Variants in EPHA6 observed in about 807,000 individuals in gnomAD.
The protein encoded by EPHA6 is EPH receptor A6.
A neutral mutation model predicts 112.0 loss-of-function variants in EPHA6; 50 were observed. The observed-to-expected ratio is 0.45, with a 90% confidence interval of 0.36 to 0.56. EPHA6 has a LOEUF of 0.56. Ranked by LOEUF, EPHA6 falls within the 20% of genes least tolerant of loss-of-function variation. The pLI, the probability that EPHA6 is intolerant of heterozygous loss-of-function variation, is 0.00. For missense variants in EPHA6, 1,280 were observed against 1,417.4 expected (o/e 0.90, Z 1.56); for synonymous variants, 529 against 490.7 (o/e 1.08, Z -1.03).
At chr3:96,930,742 G>A (rs535645642) in intron 2 of EPHA6, among the ~76,000 whole-genome samples, 73 of 151,914 alleles carry the variant, frequency 4.8e-4, no homozygotes, top group Middle Eastern at 3.4e-3. Context: ...CTGTAATCCC[G>A]GAACTTTGGG....
chr3:96,844,006 T>C (rs962369073), intron 1 of EPHA6, among the ~76,000 whole-genome samples: 4 of 152,042 alleles, frequency 2.6e-5, no homozygotes, highest in Non-Finnish European at 5.9e-5. Flanking sequence ...CTTTCTTTCT[T>C]TGAACCTAGG....
intron 16 of EPHA6, among the ~76,000 whole-genome samples, chr3:97,736,509 G>GTA: frequency 6.6e-6 from 1 of 151,096 alleles, no homozygotes; most frequent in South Asian, 2.1e-4. Context: ...GTGTGTGTGT[G>GTA]TGCAGCCCCT....
At chr3:96,948,749 A>T (rs1576140885) in intron 2 of EPHA6, among the ~76,000 whole-genome samples, 1 of 152,178 alleles carries the variant, frequency 6.6e-6, no homozygotes, top group East Asian at 1.9e-4. Flanking sequence ...AGTTCTATTT[A>T]TCAAACAAAA....
At chr3:97,656,847 A>C (rs2094140541) in intron 14 of EPHA6, among the ~76,000 whole-genome samples, 1 of 151,948 alleles carries the variant, frequency 6.6e-6, no homozygotes, top group Admixed American at 6.6e-5. Flanking sequence ...GTTCACATTA[A>C]CATAAACACA....
intron 3 of EPHA6, among the ~76,000 whole-genome samples, chr3:97,187,674 A>G (rs1319742953): frequency 4.9e-5 from 5 of 101,710 alleles, no homozygotes; most frequent in Admixed American, 3.8e-4. Context: ...AAAGAAAGAA[A>G]GAGAAAGAAA....
chr3:97,100,288 C>G (rs949404939), intron 3 of EPHA6, among the ~76,000 whole-genome samples: 61 of 150,534 alleles, frequency 4.1e-4, no homozygotes, highest in African/African-American at 1.5e-3. Flanking sequence ...GCTTAACATT[C>G]TCTAAGCAGT....
chr3:97,390,865 T>A (rs2086357550), intron 5 of EPHA6, among the ~76,000 whole-genome samples: 1 of 151,998 alleles, frequency 6.6e-6, no homozygotes, highest in Admixed American at 6.6e-5. Context: ...ACTGGGGCAT[T>A]TTCAACCAAC....
At chr3:97,114,802 T>TC (rs1424336076) in intron 3 of EPHA6, among the ~76,000 whole-genome samples, 2 of 152,084 alleles carry the variant, frequency 1.3e-5, no homozygotes, top group East Asian at 3.9e-4. Context: ...CATTGTTTTT[T>TC]CTCTCAACAT....
chr3:97,082,410 A>G (rs1287808461), intron 3 of EPHA6, among the ~76,000 whole-genome samples: 1 of 151,934 alleles, frequency 6.6e-6, no homozygotes, highest in East Asian at 1.9e-4. Flanking sequence ...GTATAAAAAT[A>G]TATGTTCACT....
chr3:96,851,827 A>G (rs1448116953), intron 1 of EPHA6, among the ~76,000 whole-genome samples: 7 of 152,000 alleles, frequency 4.6e-5, no homozygotes, highest in Non-Finnish European at 1.0e-4. Flanking sequence ...GAGGGATGGA[A>G]TGGTGAGAAA....
At chr3:97,422,294 G>C (rs1372672537) in intron 6 of EPHA6, among the ~76,000 whole-genome samples, 1 of 151,946 alleles carries the variant, frequency 6.6e-6, no homozygotes, top group African/African-American at 2.4e-5. Context: ...ATTAGAAAAA[G>C]AACAACAAGC....
At chr3:97,440,299 T>G (rs893278537) in intron 6 of EPHA6, among the ~76,000 whole-genome samples, 1 of 152,060 alleles carries the variant, frequency 6.6e-6, no homozygotes, top group East Asian at 1.9e-4. Flanking sequence ...TAAGGCCAAA[T>G]TGAGAAATAT....
intron 11 of EPHA6, among the ~76,000 whole-genome samples, chr3:97,559,973 T>C (rs2093166692): frequency 6.6e-6 from 1 of 151,864 alleles, no homozygotes; most frequent in Non-Finnish European, 1.5e-5. Context: ...CTATTTGATG[T>C]TCTCAAAGAG....
At chr3:97,301,345 A>C (rs1278303199) in intron 5 of EPHA6, among the ~76,000 whole-genome samples, 4 of 152,160 alleles carry the variant, frequency 2.6e-5, no homozygotes, top group Non-Finnish European at 4.4e-5. Flanking sequence ...AGCAGATTTA[A>C]GTATTACCTC....
intron 5 of EPHA6, among the ~76,000 whole-genome samples, chr3:97,335,143 G>C (rs2082996835): frequency 1.3e-5 from 2 of 152,144 alleles, no homozygotes; most frequent in Admixed American, 1.3e-4. Flanking sequence ...GTCTCCAGAA[G>C]GTCATTAGGC....
intron 5 of EPHA6, among the ~76,000 whole-genome samples, chr3:97,300,610 C>T (rs1199538432): frequency 6.6e-6 from 1 of 152,022 alleles, no homozygotes; most frequent in Non-Finnish European, 1.5e-5. Context: ...CTTTTGCTAC[C>T]TCATTTTGCA....
intron 14 of EPHA6, among the ~76,000 whole-genome samples, chr3:97,651,153 TAGAA>T (rs1466403142): frequency 7.9e-5 from 12 of 152,234 alleles, no homozygotes; most frequent in African/African-American, 2.6e-4. Flanking sequence ...AGGAAATAAG[TAGAA>T]AGAAAGTGAT....
At position 96,814,791 on chromosome 3, in the gene EPHA6, G is replaced by C; in HGVS notation, c.168G>C (p.Glu56Asp). 2 of 1,603,168 alleles carry C rather than the reference G, an allele frequency of 1.2e-6. No homozygotes were observed. The highest frequency in any genetic ancestry group is 1.7e-6 in the Non-Finnish European group (2 of 1,174,178). ...PGTPPAGRVE[E>D]EEEEEEEDVD... The stretch of plus-strand genomic sequence containing the variant: ...CACCCCCTGCGGGCCGGGTGGAGGA[G>C]GAAGAGGAGGAGGAGGAAGAAGACG... Residue 56 changes from glutamate to aspartate, a missense_variant, in exon 1 of 18, where the codon GAG becomes GAC. Transcript: ENST00000389672.
chr3:97,532,687 C>T (rs2092709018), intron 11 of EPHA6, 144 bp downstream of exon 11: 1 of 681,178 alleles, frequency 1.5e-6, no homozygotes, highest in Non-Finnish European at 2.3e-6. Context: ...AGACTTGATC[C>T]TAGGCTGTGA....
Sources: gnomAD v4.1 joint callset for allele counts (sites outside exome capture counted in the v4.1 genomes callset) on GRCh38, gnomAD v4.1.1 for gene constraint, MANE v1.5 for transcripts, NCBI Gene and HGNC (gene_info 2026-07-23, HGNC 2026-07-21) for gene names.